The following ABL2 variants were observed in gnomAD, a reference collection of about 807,000 sequenced individuals.
ABL2 encodes ABL proto-oncogene 2, non-receptor tyrosine kinase.
In ABL2, 49 loss-of-function variants were observed where a neutral mutation model predicts 107.7. That is an observed-to-expected ratio of 0.45 (90% CI 0.36 to 0.58). ABL2 has a LOEUF of 0.58. Among genes scored for constraint, ABL2 ranks in the 20% least tolerant of loss-of-function variants. The pLI is 0.00. For missense variants in ABL2, 1,245 were observed against 1,457.0 expected, an observed-to-expected ratio of 0.85 and a Z score of 2.37; for synonymous variants, 549 against 548.6, an observed-to-expected ratio of 1.00 and a Z score of -0.01.
At chr1:179,136,436 G>A (rs1374310931) in intron 1 of ABL2, among the ~76,000 whole-genome samples, 1 of 152,174 alleles carries the variant, frequency 6.6e-6, no homozygotes, top group Non-Finnish European at 1.5e-5. Flanking sequence ...CCTGAAACAT[G>A]TGCTGCATCC....
At chr1:179,146,890 C>A (rs897191553) in intron 1 of ABL2, among the ~76,000 whole-genome samples, 14 of 152,098 alleles carry the variant, frequency 9.2e-5, no homozygotes, top group African/African-American at 3.4e-4. Context: ...GAAAAGCTCT[C>A]CATATCCTCT....
rs577783186 is a variant in ABL2, at chr1:179,184,509, T to C, written c.157+44732A>G. ...AGGAAAGTTCATCAAAGATGACATT[T>C]GTCCCATCCCATTACAGTACTACTT... On this transcript the variant is annotated intron_variant, in intron 1 of 11. Coordinates refer to ENST00000502732, the MANE Select transcript of ABL2 (RefSeq NM_007314.4). The C allele has an allele frequency of 4.8e-5, 34 of 711,042 alleles. No individual in the cohort carries two copies. In the East Asian group the frequency reaches 9.3e-4, roughly 19 times the overall value. The allele number at this position is 711,042 out of a possible 1,614,324, so 44.0% of individuals were successfully genotyped here.
At chr1:179,200,029 C>T (rs1346673632) in intron 1 of ABL2, among the ~76,000 whole-genome samples, 2 of 143,354 alleles carry the variant, frequency 1.4e-5, no homozygotes, top group South Asian at 4.5e-4. Flanking sequence ...CTGCACCTGG[C>T]CCCCAATGCC....
chr1:179,189,351 C>A (rs914066539), intron 1 of ABL2, among the ~76,000 whole-genome samples: 3 of 152,140 alleles, frequency 2.0e-5, no homozygotes, highest in Non-Finnish European at 2.9e-5. Flanking sequence ...CCAGGCTTAT[C>A]TCAAACTCCT....
chr1:179,134,580 A>G (rs1383284476), intron 1 of ABL2, among the ~76,000 whole-genome samples: 1 of 152,160 alleles, frequency 6.6e-6, no homozygotes, highest in Non-Finnish European at 1.5e-5. Flanking sequence ...TACTTACAGT[A>G]GGAAACACAG....
Position 179,158,556 on chromosome 1 carries a change from C to A in ABL2, c.158-25182G>T, listed in dbSNP as rs10158622. On this transcript the variant is annotated intron_variant, in intron 1 of 11. Transcript: ENST00000502732. ...CCACCTGATTGTCTTTCTGCACTTACGTAGTGAAACTGGCCTCTGACCTAA... is the reference window on the plus strand; with the variant it reads ...CCACCTGATTGTCTTTCTGCACTTAAGTAGTGAAACTGGCCTCTGACCTAA... Among the ~76,000 whole-genome samples the A allele has an allele frequency of 6.8e-3, 1,030 of 152,256 alleles. 16 individuals carry two copies. Among genetic ancestry groups the A allele is most frequent in the African/African-American group, 0.024 (981 of 41,546 alleles).
At chr1:179,125,495 C>A (rs1449163881) in intron 4 of ABL2, among the ~76,000 whole-genome samples, 2 of 152,144 alleles carry the variant, frequency 1.3e-5, no homozygotes, top group Admixed American at 6.5e-5. Context: ...ACTGCTAAGT[C>A]ACTCTTATAT....
Position 179,200,070 on chromosome 1 carries a change from G to A in ABL2, c.157+29171C>T, listed in dbSNP as rs532445963. On this transcript the variant is annotated intron_variant, in intron 1 of 11. Transcript: ENST00000502732. ...TTTTTTTTTTTTTTTTTTTTAAGACGGAGTCTCCCTCTGTCTTCCAGGCTA... is the reference window on the plus strand; with the variant it reads ...TTTTTTTTTTTTTTTTTTTTAAGACAGAGTCTCCCTCTGTCTTCCAGGCTA... Among the ~76,000 whole-genome samples the A allele has an allele frequency of 5.2e-3, 605 of 117,238 alleles. 5 individuals carry two copies. Among genetic ancestry groups the A allele is most frequent in the African/African-American group, 0.019 (562 of 30,106 alleles). 76.9% of individuals were successfully genotyped at this position (117,238 alleles called of 152,430 possible).
In ABL2 at chr1:179,105,709, GGT is replaced by G. The variant is rs1317168424; in HGVS notation, c.*2007_*2008del. The G allele has an allele frequency of 2.7e-5, 6 of 226,200 alleles. No individual in the cohort carries two copies. The highest frequency in any genetic ancestry group is 3.5e-5 in the Non-Finnish European group (4 of 113,700). 14.0% of individuals were successfully genotyped at this position (226,200 alleles called of 1,614,324 possible). The stretch of plus-strand genomic sequence containing the variant: ...CCTGGGCCTCCTTTGGAGCAGCAAT[GGT>G]AAGAATCAAGGTTTCCTTTCTTTCC... On this transcript the variant is annotated 3_prime_UTR_variant, in exon 12 of 12. Transcript: ENST00000502732.
chr1:179,166,130 CT>C (rs1659364732), intron 1 of ABL2, among the ~76,000 whole-genome samples: 2 of 151,996 alleles, frequency 1.3e-5, no homozygotes, highest in Non-Finnish European at 2.9e-5. Context: ...AGACCTGACG[CT>C]AGAAAACAAC....
At chr1:179,172,908 G>A (rs745596825) in intron 1 of ABL2, among the ~76,000 whole-genome samples, 10 of 152,078 alleles carry the variant, frequency 6.6e-5, no homozygotes, top group South Asian at 4.2e-4. Context: ...TCATAAGTTC[G>A]GCCAGGCACA....
chr1:179,162,962 T>C (rs73038878), intron 1 of ABL2, among the ~76,000 whole-genome samples: 14,511 of 152,064 alleles, frequency 0.095, 729 homozygotes, highest in African/African-American at 0.12. Flanking sequence ...CTATGGGGTG[T>C]GGTGGAAAGG....
In ABL2 at chr1:179,229,638, C is replaced by CCGG. The variant is rs955928835; in HGVS notation, c.-242_-241insCCG. 2.4e-5 allele frequency: 12 copies of CCGG among 493,694 alleles called. No homozygotes were observed. The highest frequency in any genetic ancestry group is 8.5e-5 in the Admixed American group (2 of 23,436). 30.6% of individuals were successfully genotyped at this position (493,694 alleles called of 1,614,324 possible). A position where few individuals can be genotyped will look rare whatever the true frequency, so the allele number is the denominator to read the frequency against. ...TCGCGGCTCCGCGCCCCCAACGCCG[C>CCGG]CGCCGCCGCCGCCGCCACCGCCGCC... On this transcript the variant is annotated 5_prime_UTR_variant, in exon 1 of 12. Coordinates refer to ENST00000502732, the MANE Select transcript of ABL2 (RefSeq NM_007314.4).
chr1:179,145,871 G>C (rs1281090094), intron 1 of ABL2, among the ~76,000 whole-genome samples: 1 of 151,250 alleles, frequency 6.6e-6, no homozygotes, highest in East Asian at 2.0e-4. Context: ...GTTTTAAGCA[G>C]GATGGCCATA....
intron 1 of ABL2, among the ~76,000 whole-genome samples, chr1:179,152,349 G>A (rs1658412813): frequency 6.6e-6 from 1 of 152,188 alleles, no homozygotes; most frequent in Admixed American, 6.5e-5. Context: ...AACTGCTTAT[G>A]AAAATATTTC....
chr1:179,170,347 G>A (rs190091431), intron 1 of ABL2, among the ~76,000 whole-genome samples: 9 of 152,180 alleles, frequency 5.9e-5, no homozygotes, highest in Non-Finnish European at 1.3e-4. Context: ...AAGCTTTGGG[G>A]GACATAATCA....
chr1:179,216,026 G>A (rs902757231), intron 1 of ABL2, among the ~76,000 whole-genome samples: 5 of 152,168 alleles, frequency 3.3e-5, no homozygotes, highest in African/African-American at 1.2e-4. Context: ...TCCACATGAA[G>A]TGAAAGGTTT....
chr1:179,130,888 T>C (rs975088496), intron 3 of ABL2, among the ~76,000 whole-genome samples: 1 of 152,078 alleles, frequency 6.6e-6, no homozygotes, highest in Admixed American at 6.6e-5. Flanking sequence ...TTCTTACCTT[T>C]TGAACATATG....
intron 1 of ABL2, among the ~76,000 whole-genome samples, chr1:179,178,523 G>T (rs916321263): frequency 2.0e-5 from 3 of 151,720 alleles, no homozygotes; most frequent in African/African-American, 7.3e-5. Flanking sequence ...TCAACTAAAT[G>T]ACCTTATAAC....
Sources: allele counts gnomAD v4.1 joint callset (sites outside exome capture counted in the v4.1 genomes callset), GRCh38; gene constraint gnomAD v4.1.1; transcripts MANE v1.5; gene names NCBI Gene and HGNC (gene_info 2026-07-23, HGNC 2026-07-21).